SUGCT: variants seen among roughly 807,000 people sequenced by gnomAD.
The protein encoded by SUGCT is succinyl-CoA:glutarate-CoA transferase.
SUGCT carries 41 observed loss-of-function variants against 55.0 expected under a neutral mutation model. The ratio of observed to expected loss-of-function variants is 0.74; its 90% CI spans 0.58 to 0.97. The LOEUF is 0.97. SUGCT is among the 50% of genes least tolerant of loss of function. The probability of loss-of-function intolerance (pLI) is 0.00; values close to 1 mark genes in which losing one functional copy is unlikely to be tolerated. For synonymous variants in SUGCT, 187 were observed against 200.4 expected (o/e 0.93, Z 0.56); for missense variants, 568 against 547.8 (o/e 1.04, Z -0.37).
intron 11 of SUGCT, among the ~76,000 whole-genome samples, chr7:40,476,764 G>T (rs1301617385): frequency 2.0e-5 from 3 of 151,354 alleles, no homozygotes; most frequent in African/African-American, 7.3e-5. Flanking sequence ...CAAATGGAAT[G>T]ATTCAATCAA....
intron 9 of SUGCT, among the ~76,000 whole-genome samples, chr7:40,412,213 G>C (rs1281700239): frequency 6.6e-6 from 1 of 152,188 alleles, no homozygotes; most frequent in Non-Finnish European, 1.5e-5. Context: ...AGACTGCACT[G>C]CTTGTCCAAG....
chr7:40,694,833 G>C (rs1454542140), intron 12 of SUGCT, among the ~76,000 whole-genome samples: 1 of 152,150 alleles, frequency 6.6e-6, no homozygotes, highest in East Asian at 1.9e-4. Flanking sequence ...TGAACTTTCT[G>C]AGATGAAATG....
At chr7:40,138,574 TG>T (rs1454232981) in intron 1 of SUGCT, among the ~76,000 whole-genome samples, 2 of 152,228 alleles carry the variant, frequency 1.3e-5, no homozygotes, top group Non-Finnish European at 2.9e-5. Context: ...ATCTCCATAC[TG>T]TTTTCCATAG....
intron 12 of SUGCT, among the ~76,000 whole-genome samples, chr7:40,543,980 A>G (rs758390867): frequency 4.0e-4 from 61 of 152,200 alleles, no homozygotes; most frequent in South Asian, 6.2e-4. Context: ...AAATGCCCAT[A>G]TATTGATGTG....
intron 12 of SUGCT, among the ~76,000 whole-genome samples, chr7:40,575,548 T>C (rs1238882859): frequency 6.6e-6 from 1 of 152,024 alleles, no homozygotes; most frequent in East Asian, 1.9e-4. Flanking sequence ...CCACATCTTT[T>C]AATCTCAGAA....
chr7:40,316,170 CTAAT>C (rs1020737111), intron 8 of SUGCT, among the ~76,000 whole-genome samples: 1 of 152,116 alleles, frequency 6.6e-6, no homozygotes, highest in African/African-American at 2.4e-5. Context: ...GGATGATCCA[CTAAT>C]TAATTTTAAA....
intron 11 of SUGCT, among the ~76,000 whole-genome samples, chr7:40,469,139 T>A (rs1227427680): frequency 6.6e-6 from 1 of 152,242 alleles, no homozygotes; most frequent in Non-Finnish European, 1.5e-5. Flanking sequence ...TAATATTCTT[T>A]TTTCCATATG....
chr7:40,173,425 G>T (rs1366885092), intron 1 of SUGCT, among the ~76,000 whole-genome samples: 2 of 152,186 alleles, frequency 1.3e-5, no homozygotes, highest in Non-Finnish European at 2.9e-5. Context: ...TAACAAACAC[G>T]GACCAGAAGA....
chr7:40,281,116 A>G (rs1345751858), intron 8 of SUGCT, among the ~76,000 whole-genome samples: 1 of 151,998 alleles, frequency 6.6e-6, no homozygotes, highest in African/African-American at 2.4e-5. Flanking sequence ...TTTTTTTCTG[A>G]TTTGAAATGA....
At chr7:40,472,126 T>C (rs1032361173) in intron 11 of SUGCT, among the ~76,000 whole-genome samples, 5 of 152,244 alleles carry the variant, frequency 3.3e-5, no homozygotes, top group African/African-American at 9.6e-5. Flanking sequence ...AATAGGCATA[T>C]AGAGCCTTAA....
chr7:40,865,366 C>A (rs1794561066), downstream of SUGCT, among the ~76,000 whole-genome samples: 1 of 152,144 alleles, frequency 6.6e-6, no homozygotes, highest in African/African-American at 2.4e-5. Context: ...TTGAATTAAT[C>A]TCTGGGTGGG....
At chr7:40,705,722 T>C (rs1343213934) in intron 12 of SUGCT, among the ~76,000 whole-genome samples, 4 of 152,184 alleles carry the variant, frequency 2.6e-5, no homozygotes, top group African/African-American at 7.2e-5. Flanking sequence ...TCGGACCACT[T>C]AACTGTGCTG....
At chr7:40,414,691 G>A (rs1786873411) in intron 9 of SUGCT, among the ~76,000 whole-genome samples, 1 of 151,980 alleles carries the variant, frequency 6.6e-6, no homozygotes, top group Non-Finnish European at 1.5e-5. Context: ...CAGACCACTT[G>A]AGATCAGGAG....
intron 9 of SUGCT, among the ~76,000 whole-genome samples, chr7:40,348,505 T>G (rs1429272268): frequency 6.6e-6 from 1 of 152,178 alleles, no homozygotes; most frequent in Non-Finnish European, 1.5e-5. Flanking sequence ...GCTGATTTTC[T>G]GGATCCATCC....
chr7:40,398,631 A>T (rs1785886279), intron 9 of SUGCT, among the ~76,000 whole-genome samples: 1 of 151,726 alleles, frequency 6.6e-6, no homozygotes, highest in Admixed American at 6.6e-5. Flanking sequence ...ATTCTAATCA[A>T]GTGTAGCTGA....
chr7:40,136,856 G>A (rs550277104), intron 1 of SUGCT, among the ~76,000 whole-genome samples: 19 of 152,078 alleles, frequency 1.2e-4, no homozygotes, highest in Non-Finnish European at 2.6e-4. Context: ...AATTAGCCGG[G>A]CTTGGTGGCG....
chr7:40,324,238 T>TAA (rs1491268964), intron 9 of SUGCT, among the ~76,000 whole-genome samples: 1 of 101,844 alleles, frequency 9.8e-6, no homozygotes, highest in Non-Finnish European at 2.0e-5. Context: ...TATATATAAA[T>TAA]AAATAAATAA....
At chr7:40,321,628 C>T (rs575133833) in intron 9 of SUGCT, among the ~76,000 whole-genome samples, 1 of 152,122 alleles carries the variant, frequency 6.6e-6, no homozygotes, top group South Asian at 2.1e-4. Context: ...GGTGATCCAC[C>T]CACCTTGGCC....
At chr7:40,985,221 G>C in the SUGCT span, among the ~76,000 whole-genome samples, 3 of 152,144 alleles carry the variant, frequency 2.0e-5, no homozygotes, top group Non-Finnish European at 2.9e-5. Flanking sequence ...TGAGTTCTGG[G>C]CTTGTTCCTT....
Sources: allele counts gnomAD v4.1 joint callset (sites outside exome capture counted in the v4.1 genomes callset), GRCh38; gene constraint gnomAD v4.1.1; transcripts MANE v1.5; gene names NCBI Gene and HGNC (gene_info 2026-07-23, HGNC 2026-07-21).